RHOBTB1: variants seen among roughly 807,000 people sequenced by gnomAD.
RHOBTB1 encodes the protein rho-related BTB domain-containing protein 1.
In RHOBTB1, 40 loss-of-function variants were observed where a neutral mutation model predicts 71.6. That is an observed-to-expected ratio of 0.56 (90% CI 0.43 to 0.73). The LOEUF (loss-of-function observed/expected upper bound fraction) is 0.73, where lower values mean the gene tolerates loss of function less well. Among genes scored for constraint, RHOBTB1 ranks in the 30% least tolerant of loss-of-function variants. The pLI is 0.00. For missense variants in RHOBTB1, 797 were observed against 894.0 expected (o/e 0.89, Z 1.38); for synonymous variants, 319 against 334.9 (o/e 0.95, Z 0.52).
Position 60,955,043 on chromosome 10 carries a change from C to CTTTTTTTTTTTTTTTTTTTTTT in RHOBTB1, c.-61-13190_-61-13189insAAAAAAAAAAAAAAAAAAAAAA, listed in dbSNP as rs34012455. On this transcript the variant is annotated intron_variant, in intron 2 of 11. Transcript: ENST00000357917. ...GGGGAATCTTTTCTTTTCTTTCTTT[C>CTTTTTTTTTTTTTTTTTTTTTT]TTTTTTTTTTTTTTTTTTTAAGATG... 2.2e-4 allele frequency among the ~76,000 whole-genome samples: 25 copies of CTTTTTTTTTTTTTTTTTTTTTT among 112,786 alleles called. 3 individuals are homozygous for CTTTTTTTTTTTTTTTTTTTTTT. Among genetic ancestry groups the CTTTTTTTTTTTTTTTTTTTTTT allele is most frequent in the Middle Eastern group, 5.7e-3 (1 of 176 alleles). The allele number at this position is 112,786 out of a possible 152,430, so 74.0% of individuals were successfully genotyped here.
chr10:60,921,681 C>T (rs1327234932), intron 2 of RHOBTB1, among the ~76,000 whole-genome samples: 4 of 152,172 alleles, frequency 2.6e-5, no homozygotes, highest in Non-Finnish European at 5.9e-5. Context: ...TACAGCCACT[C>T]CACCTTTCTT....
intron 2 of RHOBTB1, among the ~76,000 whole-genome samples, chr10:60,938,807 G>A (rs1210773003): frequency 6.6e-6 from 1 of 151,980 alleles, no homozygotes; most frequent in East Asian, 1.9e-4. Context: ...CTGTTTCCTA[G>A]TAGTTCTTTA....
At chr10:60,862,442 C>T in the RHOBTB1 span, among the ~76,000 whole-genome samples, 2 of 149,980 alleles carry the variant, frequency 1.3e-5, no homozygotes, top group African/African-American at 5.0e-5. Context: ...AGGTGATCCG[C>T]CTACCTCCGC....
At chr10:60,895,977 T>A (rs1044806494) in intron 4 of RHOBTB1, among the ~76,000 whole-genome samples, 3 of 152,242 alleles carry the variant, frequency 2.0e-5, no homozygotes, top group East Asian at 1.9e-4. Context: ...TCTCAACACA[T>A]CAGTATCCTC....
intron 2 of RHOBTB1, among the ~76,000 whole-genome samples, chr10:60,974,870 G>A (rs1300009655): frequency 6.6e-6 from 1 of 152,040 alleles, no homozygotes; most frequent in Non-Finnish European, 1.5e-5. Context: ...TTTCTGTGGG[G>A]TAGAGAAGGC....
At chr10:60,968,283 C>T (rs1033023316) in intron 2 of RHOBTB1, among the ~76,000 whole-genome samples, 7 of 152,044 alleles carry the variant, frequency 4.6e-5, no homozygotes, top group African/African-American at 1.4e-4. Context: ...GGTAAGTGGG[C>T]GTGGCATGTG....
intron 2 of RHOBTB1, among the ~76,000 whole-genome samples, chr10:60,955,445 C>A (rs562146122): frequency 1.1e-4 from 16 of 152,124 alleles, no homozygotes; most frequent in Non-Finnish European, 2.1e-4. Context: ...AAATGCTGTA[C>A]AGACATGGAT....
At chr10:60,909,165 T>C (rs2082838675) in intron 4 of RHOBTB1, among the ~76,000 whole-genome samples, 1 of 152,128 alleles carries the variant, frequency 6.6e-6, no homozygotes, top group African/African-American at 2.4e-5. Context: ...AGTGTGGATC[T>C]ATGAAGGCCA....
chr10:60,888,754 T>C lies in RHOBTB1; in HGVS notation c.914A>G (p.Asn305Ser). ...TTTCTCACAGGCTCCTTCACTCCCA[T>C]TTGGGGATTCTTCACATTCCATTAA... ...LFLMECEESP[N>S]GSEGACEKEK... is the part of the protein sequence containing the mutation. Residue 305 changes from asparagine (N) to serine (S), a missense_variant, in exon 6 of 11, where the codon AAT becomes AGT. By Grantham distance (46) the Asn-to-Ser change is conservative. Around this residue, in one of 2 missense-constraint regions of RHOBTB1, gnomAD observed 658 missense variants for 681.5 expected, o/e 0.97. Transcript: ENST00000337910. 12 of 1,614,148 alleles carry C rather than the reference T, an allele frequency of 7.4e-6. No homozygotes were observed. Among genetic ancestry groups the C allele is most frequent in the Non-Finnish European group, 1.0e-5 (12 of 1,180,000 alleles).
chr10:60,865,919 C>T (rs1367644426), downstream of RHOBTB1, among the ~76,000 whole-genome samples: 1 of 152,138 alleles, frequency 6.6e-6, no homozygotes, highest in African/African-American at 2.4e-5. Context: ...GCAACCTCTG[C>T]CTCCCGGGCC....
At chr10:60,937,221 C>A (rs1267074839) in intron 2 of RHOBTB1, among the ~76,000 whole-genome samples, 1 of 152,130 alleles carries the variant, frequency 6.6e-6, no homozygotes, top group Non-Finnish European at 1.5e-5. Context: ...GAGGAGTGCA[C>A]AAAACACTTC....
At chr10:60,927,344 C>T (rs551052208) in intron 2 of RHOBTB1, among the ~76,000 whole-genome samples, 3 of 152,180 alleles carry the variant, frequency 2.0e-5, no homozygotes, top group Admixed American at 6.5e-5. Flanking sequence ...TACAGACACA[C>T]CCAGGATCAA....
chr10:60,882,574 T>C (rs1471416837), intron 7 of RHOBTB1, among the ~76,000 whole-genome samples: 2 of 152,158 alleles, frequency 1.3e-5, no homozygotes, highest in Admixed American at 6.5e-5. Flanking sequence ...GATATGCACA[T>C]TAATTCTATT....
At chr10:60,938,055 C>T (rs138969758) in intron 2 of RHOBTB1, among the ~76,000 whole-genome samples, 12 of 152,178 alleles carry the variant, frequency 7.9e-5, no homozygotes, top group East Asian at 1.9e-4. Flanking sequence ...GAAAAAGCAT[C>T]GAACAGATCA....
intron 2 of RHOBTB1, among the ~76,000 whole-genome samples, chr10:60,912,062 C>T (rs2083003808): frequency 6.6e-6 from 1 of 152,044 alleles, no homozygotes; most frequent in Admixed American, 6.6e-5. Context: ...GTTATGGGGA[C>T]TTAGAGAATA....
chr10:60,969,077 A>C (rs2086066960), intron 2 of RHOBTB1, among the ~76,000 whole-genome samples: 1 of 151,978 alleles, frequency 6.6e-6, no homozygotes, highest in Non-Finnish European at 1.5e-5. Flanking sequence ...CTTACTGAGT[A>C]AGTGAGATGA....
At position 60,904,825 on chromosome 10, in the gene RHOBTB1, T is replaced by G. The variant is rs556685644; in HGVS notation, c.296+6062A>C. On this transcript the variant is annotated intron_variant, in intron 4 of 10. Coordinates refer to ENST00000337910, the MANE Select transcript of RHOBTB1 (RefSeq NM_014836.5). ...CTATCTCTTGGTTCAAATTGCTGCT[T>G]TTCTTTCATGCCTTTCTACTTTTTT... 2.6e-5 allele frequency among the ~76,000 whole-genome samples: 4 copies of G among 152,344 alleles called. No homozygotes were observed. The East Asian group carries it at 5.8e-4, about 22-fold the overall frequency.
chr10:60,953,592 G>T (rs1337156059), intron 2 of RHOBTB1, among the ~76,000 whole-genome samples: 1 of 152,136 alleles, frequency 6.6e-6, no homozygotes, highest in Non-Finnish European at 1.5e-5. Flanking sequence ...TCTATTGAAA[G>T]AAATCTATCA....
At position 60,872,318 on chromosome 10, in the gene RHOBTB1, A is replaced by G. The variant is rs371817204; in HGVS notation, c.1816-28T>C. ...GCAGAAAAGTGAGCAAAAGGAGGGT[A>G]AGACTATTTTCTAAAGAGGGGCTAC... On this transcript the variant is annotated intron_variant, in intron 9 of 10. Transcript: ENST00000337910. 5.1e-5 allele frequency: 79 copies of G among 1,538,024 alleles called. No homozygotes were observed. In the African/African-American group the frequency reaches 9.5e-4, roughly 19 times the overall value.
Sources: allele counts gnomAD v4.1 joint callset (sites outside exome capture counted in the v4.1 genomes callset), GRCh38; gene constraint gnomAD v4.1.1; regional missense constraint gnomAD v4.1.1; transcripts MANE v1.5; gene names NCBI Gene and HGNC (gene_info 2026-07-23, HGNC 2026-07-21).